Variants in CNTN6 observed in about 807,000 individuals in gnomAD.
CNTN6 encodes the protein contactin 6.
In CNTN6, 137 loss-of-function variants were observed where a neutral mutation model predicts 122.8. The ratio of observed to expected loss-of-function variants is 1.12; its 90% CI spans 0.97 to 1.29. CNTN6 has a LOEUF of 1.29. Among genes scored for constraint, CNTN6 ranks in the 50% most tolerant of loss-of-function variants. The probability of loss-of-function intolerance (pLI) is 0.00; values close to 1 mark genes in which losing one functional copy is unlikely to be tolerated. For missense variants in CNTN6, 1,634 were observed against 1,223.4 expected (o/e 1.34, Z -5.01); for synonymous variants, 570 against 426.0 (o/e 1.34, Z -4.16).
At chr3:1,128,777 T>TTA (rs1553602651) in intron 1 of CNTN6, among the ~76,000 whole-genome samples, 1 of 151,802 alleles carries the variant, frequency 6.6e-6, no homozygotes. Context: ...CTAAAGTTTT[T>TTA]AAAAAAATGA....
intron 14 of CNTN6, 94 bp from the exon 15 acceptor site, chr3:1,373,510 T>G: frequency 5.0e-6 from 6 of 1,197,276 alleles, no homozygotes; most frequent in Non-Finnish European, 7.1e-6. Context: ...ATATTTTACT[T>G]CCTAAGCACA....
chr3:1,367,931 T>C (rs1397487050), intron 12 of CNTN6, among the ~76,000 whole-genome samples: 16 of 152,200 alleles, frequency 1.1e-4, no homozygotes, highest in Non-Finnish European at 2.9e-5. Context: ...AGGCTGTCTC[T>C]GTGGGATTTG....
intron 2 of CNTN6, among the ~76,000 whole-genome samples, chr3:1,210,563 TAA>T (rs1197029248): frequency 6.6e-6 from 1 of 151,926 alleles, no homozygotes; most frequent in Non-Finnish European, 1.5e-5. Context: ...AGAAGAAAAA[TAA>T]AGCCAGGGAG....
At chr3:1,174,633 C>A (rs1211578635) in intron 2 of CNTN6, among the ~76,000 whole-genome samples, 1 of 151,398 alleles carries the variant, frequency 6.6e-6, no homozygotes, top group Non-Finnish European at 1.5e-5. Flanking sequence ...TCAGTGTGAA[C>A]TTTGGAGTCC....
intron 2 of CNTN6, 36 bp from the exon 3 acceptor site, chr3:1,220,650 CT>C (rs761311594): frequency 3.3e-5 from 51 of 1,558,796 alleles, no homozygotes; most frequent in South Asian, 7.4e-5. Flanking sequence ...AACAGGGCCA[CT>C]TTTTTTTCAT....
chr3:1,208,891 T>G (rs1450649859), intron 2 of CNTN6, among the ~76,000 whole-genome samples: 1 of 152,314 alleles, frequency 6.6e-6, no homozygotes, highest in East Asian at 1.9e-4. Flanking sequence ...ACTTATTTAT[T>G]TTTGCATTGT....
At chr3:1,388,496 C>T (rs375739246) in intron 20 of CNTN6, among the ~76,000 whole-genome samples, 43 of 151,698 alleles carry the variant, frequency 2.8e-4, no homozygotes, top group South Asian at 4.2e-4. Flanking sequence ...AACTCTAAAA[C>T]GCAGAGCGCC....
At chr3:1,384,754 T>C (rs1003962251) in intron 19 of CNTN6, among the ~76,000 whole-genome samples, 9 of 135,178 alleles carry the variant, frequency 6.7e-5, no homozygotes, top group Admixed American at 1.5e-4. Flanking sequence ...TATACACATA[T>C]ATATACATAT....
chr3:1,330,293 C>T (rs1457417358), intron 11 of CNTN6, among the ~76,000 whole-genome samples: 1 of 151,878 alleles, frequency 6.6e-6, no homozygotes, highest in Non-Finnish European at 1.5e-5. Context: ...CTCATTGGCA[C>T]ACACCTGGTG....
intron 1 of CNTN6, among the ~76,000 whole-genome samples, chr3:1,119,040 T>C (rs1181581177): frequency 2.0e-5 from 3 of 152,128 alleles, no homozygotes; most frequent in South Asian, 2.1e-4. Context: ...TCTTTCTAAC[T>C]ACTTAGGGAA....
At chr3:1,123,461 T>C (rs1259960045) in intron 1 of CNTN6, among the ~76,000 whole-genome samples, 25 of 150,138 alleles carry the variant, frequency 1.7e-4, no homozygotes, top group Non-Finnish European at 6.0e-5. Flanking sequence ...TGCTGGCATA[T>C]AGGAACATAA....
At position 1,206,429 on chromosome 3, in the gene CNTN6, G is replaced by A. The variant is rs115326879; in HGVS notation, c.56-14258G>A. On this transcript the variant is annotated intron_variant, in intron 2 of 22. Coordinates refer to ENST00000446702, the MANE Select transcript of CNTN6 (RefSeq NM_001289080.2). ...AGCTTTCTTTCTAAGGCCAACCACTGCACTGTGAACTCAGTGCCTCCCTGT... is the reference window on the plus strand; with the variant it reads ...AGCTTTCTTTCTAAGGCCAACCACTACACTGTGAACTCAGTGCCTCCCTGT... 6.1e-3 allele frequency among the ~76,000 whole-genome samples: 925 copies of A among 152,250 alleles called. 5 individuals are homozygous for A. The highest frequency in any genetic ancestry group is 0.021 in the African/African-American group (878 of 41,562).
intron 4 of CNTN6, among the ~76,000 whole-genome samples, chr3:1,244,636 T>C (rs987346548): frequency 1.3e-5 from 2 of 152,162 alleles, no homozygotes; most frequent in African/African-American, 4.8e-5. Flanking sequence ...TGCGTGTCTG[T>C]GTGAAGAGAC....
chr3:1,220,661 T>A, intron 2 of CNTN6, 26 bp from the exon 3 acceptor site: 3 of 1,572,788 alleles, frequency 1.9e-6, no homozygotes, highest in Middle Eastern at 3.4e-4. Context: ...TTTTTTTTCA[T>A]GTGATTTATT....
chr3:1,122,828 C>T (rs1574929914), intron 1 of CNTN6, among the ~76,000 whole-genome samples: 1 of 151,794 alleles, frequency 6.6e-6, no homozygotes, highest in East Asian at 1.9e-4. Context: ...GTACATATCA[C>T]AATTTGTTTG....
chr3:1,142,555 GA>G (rs2125144702), intron 1 of CNTN6, among the ~76,000 whole-genome samples: 1 of 152,200 alleles, frequency 6.6e-6, no homozygotes, highest in African/African-American at 2.4e-5. Flanking sequence ...TTAGAGTTTA[GA>G]ATTCATTAAA....
At chr3:1,293,255 TC>T in intron 5 of CNTN6, among the ~76,000 whole-genome samples, 1 of 152,248 alleles carries the variant, frequency 6.6e-6, no homozygotes, top group East Asian at 1.9e-4. Flanking sequence ...ATTTTCTTTC[TC>T]CTTTTTTCCT....
At chr3:1,306,804 A>C (rs1040394289) in intron 7 of CNTN6, among the ~76,000 whole-genome samples, 10 of 152,172 alleles carry the variant, frequency 6.6e-5, no homozygotes, top group Non-Finnish European at 1.3e-4. Flanking sequence ...GGTAAAAAGG[A>C]ACATGTAAGA....
chr3:1,338,913 G>A (rs894455111), intron 11 of CNTN6, among the ~76,000 whole-genome samples: 1 of 151,990 alleles, frequency 6.6e-6, no homozygotes, highest in African/African-American at 2.4e-5. Flanking sequence ...TAATGCCAGT[G>A]AGTGTATTTA....
Sources: gnomAD v4.1 joint callset for allele counts (sites outside exome capture counted in the v4.1 genomes callset) on GRCh38, gnomAD v4.1.1 for gene constraint, MANE v1.5 for transcripts, NCBI Gene and HGNC (gene_info 2026-07-23, HGNC 2026-07-21) for gene names.